The following PAK6 variants were observed in gnomAD, a reference collection of about 807,000 sequenced individuals.
PAK6 encodes the protein p21 (RAC1) activated kinase 6.
A neutral mutation model predicts 60.8 loss-of-function variants in PAK6; 33 were observed. That is an observed-to-expected ratio of 0.54 (90% CI 0.41 to 0.73). PAK6 has a LOEUF of 0.73. Among genes scored for constraint, PAK6 ranks in the 30% least tolerant of loss-of-function variants. PAK6 has a pLI of 0.00. For synonymous variants in PAK6, 404 were observed against 378.5 expected, an observed-to-expected ratio of 1.07 and a Z score of -0.78; for missense variants, 845 against 904.1, an observed-to-expected ratio of 0.93 and a Z score of 0.84.
chr15:40,247,667 G>A (rs2038531483), intron 2 of PAK6, among the ~76,000 whole-genome samples: 1 of 152,158 alleles, frequency 6.6e-6, no homozygotes, highest in South Asian at 2.1e-4. Flanking sequence ...GAGGCCCAGG[G>A]TATCAGCAGG....
At chr15:40,255,604 C>T (rs886088333) in intron 3 of PAK6, among the ~76,000 whole-genome samples, 1 of 152,200 alleles carries the variant, frequency 6.6e-6, no homozygotes, top group African/African-American at 2.4e-5. Flanking sequence ...TTCCTTCCCC[C>T]GTGTATTTTG....
chr15:40,264,882 T>G, exon 4 of PAK6: 1 of 1,613,954 alleles, frequency 6.2e-7, no homozygotes, highest in African/African-American at 1.3e-5. Flanking sequence ...AGAAGGCAAG[T>G]TTGTGGGCCT....
chr15:40,264,823 C>T (rs750664475), exon 4 of PAK6: 3 of 1,613,974 alleles, frequency 1.9e-6, no homozygotes, highest in Non-Finnish European at 1.7e-6. Context: ...CCTGAGATCT[C>T]AGCGCCACAG....
At chr15:40,239,576 G>C (rs2038258835) in exon 1 of PAK6, 1 of 152,542 alleles carries the variant, frequency 6.6e-6, no homozygotes, top group Admixed American at 6.5e-5. Context: ...TGCCCGGGGG[G>C]CTGTGGCAGC....
At chr15:40,264,933 C>T in exon 4 of PAK6, 10 of 1,613,770 alleles carry the variant, frequency 6.2e-6, no homozygotes, top group Non-Finnish European at 5.9e-6. Context: ...ACTGCGGCGC[C>T]CCAAGCCCGT....
intron 2 of PAK6, chr15:40,246,916 G>C (rs1440887376): frequency 1.3e-5 from 2 of 152,446 alleles, no homozygotes; most frequent in African/African-American, 2.4e-5. Context: ...ACAGCCCAGA[G>C]CCTGTGAGTT....
At chr15:40,250,299 G>C (rs1418371439) in intron 2 of PAK6, among the ~76,000 whole-genome samples, 3 of 152,174 alleles carry the variant, frequency 2.0e-5, no homozygotes, top group Non-Finnish European at 4.4e-5. Context: ...GGAGAGGGGT[G>C]GCAACGGGGC....
intron 2 of PAK6, among the ~76,000 whole-genome samples, chr15:40,248,526 C>T (rs754641956): frequency 2.6e-5 from 4 of 152,186 alleles, no homozygotes; most frequent in Non-Finnish European, 5.9e-5. Flanking sequence ...GCGACTGGGC[C>T]ATCTGGGTCT....
At chr15:40,277,302 G>A (rs2039482158) in exon 11 of PAK6, 1 of 152,386 alleles carries the variant, frequency 6.6e-6, no homozygotes, top group Admixed American at 6.5e-5. Context: ...CAGGTGTCTG[G>A]ACCCTTTCTA....
intron 2 of PAK6, among the ~76,000 whole-genome samples, chr15:40,247,723 A>T (rs2038533653): frequency 1.3e-5 from 2 of 152,120 alleles, no homozygotes; most frequent in South Asian, 4.1e-4. Flanking sequence ...ACTTTTCCAA[A>T]ACACCTAACC....
rs1282581462 is a variant in PAK6, at chr15:40,240,562, C to T, written c.-200-37C>T. On this transcript the variant is annotated intron_variant, in intron 1 of 10. Transcript: ENST00000560346. ...AGAAAAGCACTGAGGTTTTCTTTTC[C>T]TTTTTTTTTTTTTTTTTTTTTCTAT... is the stretch of plus-strand genomic sequence containing the variant. The T allele has an allele frequency of 4.0e-4, 129 of 321,516 alleles. 2 individuals carry two copies. Among genetic ancestry groups the T allele is most frequent in the South Asian group, 1.6e-3 (73 of 46,748 alleles). The allele number at this position is 321,516 out of a possible 1,614,324, so 19.9% of individuals were successfully genotyped here. A position where few individuals can be genotyped will look rare whatever the true frequency, so the allele number is the denominator to read the frequency against.
intron 4 of PAK6, among the ~76,000 whole-genome samples, chr15:40,265,509 T>C (rs2140979867): frequency 6.6e-6 from 1 of 152,278 alleles, no homozygotes; most frequent in Non-Finnish European, 1.5e-5. Flanking sequence ...CAGCCACCCG[T>C]GGAGCTAGAG....
chr15:40,267,169 T>A lies in PAK6; in HGVS notation c.858+674T>A, dbSNP rs551309108. Among the ~76,000 whole-genome samples, 92 of 152,046 alleles carry A rather than the reference T, an allele frequency of 6.1e-4. 2 individuals carry two copies. Among genetic ancestry groups the A allele is most frequent in the Admixed American group, 4.6e-4 (7 of 15,284 alleles). On this transcript the variant is annotated intron_variant, in intron 5 of 10. Transcript: ENST00000560346. ...TCCTTCCTGGGAGGGTCAAAGGCAG[T>A]CCTAAGAAACGGCTGCTGACAGTGG... is the stretch of plus-strand genomic sequence containing the variant.
At chr15:40,276,223 C>T (rs1308192214) in exon 11 of PAK6, 3 of 928,570 alleles carry the variant, frequency 3.2e-6, no homozygotes, top group South Asian at 3.0e-5. Flanking sequence ...AAGCCCCAGC[C>T]CCACCCTCTG....
chr15:40,263,011 C>T (rs2039023587), intron 3 of PAK6, among the ~76,000 whole-genome samples: 1 of 152,180 alleles, frequency 6.6e-6, no homozygotes, highest in Non-Finnish European at 1.5e-5. Flanking sequence ...GGATCCCGAA[C>T]CTCAAGACCC....
At chr15:40,249,142 G>C (rs757206967) in intron 2 of PAK6, among the ~76,000 whole-genome samples, 7 of 152,148 alleles carry the variant, frequency 4.6e-5, no homozygotes, top group Non-Finnish European at 8.8e-5. Flanking sequence ...ATGATGGAAA[G>C]GGCCAGGGAT....
At chr15:40,254,650 A>G (rs2038786556) in intron 3 of PAK6, among the ~76,000 whole-genome samples, 1 of 152,212 alleles carries the variant, frequency 6.6e-6, no homozygotes, top group Non-Finnish European at 1.5e-5. Flanking sequence ...AGAGCAGGTC[A>G]CTTGACTTCT....
At chr15:40,265,049 G>C (rs778585715) in intron 4 of PAK6, 60 bp downstream of exon 4, 172 of 1,512,440 alleles carry the variant, frequency 1.1e-4, no homozygotes, top group Non-Finnish European at 1.4e-4. Flanking sequence ...AACCATGCCT[G>C]GCTAAACCTC....
rs568907611 is a variant in PAK6 at position 40,271,248 on chromosome 15, G to C, written c.859-976G>C. On this transcript the variant is annotated intron_variant, in intron 5 of 10. Coordinates refer to ENST00000560346, the Ensembl canonical transcript of PAK6. ...AGATGGGCGGGCACCTTTCCTGTCA[G>C]AAAGAGCAGAAGGGCTTGGGCTCGG... Among the ~76,000 whole-genome samples the C allele has an allele frequency of 3.9e-5, 6 of 152,364 alleles. No homozygotes were observed. In the South Asian group the frequency reaches 8.3e-4, roughly 21 times the overall value.
Sources: gnomAD v4.1 joint callset for allele counts (sites outside exome capture counted in the v4.1 genomes callset) on GRCh38, gnomAD v4.1.1 for gene constraint, MANE v1.5 for transcripts, NCBI Gene and HGNC (gene_info 2026-07-23, HGNC 2026-07-21) for gene names.